Variants in TENM2 observed in about 807,000 individuals in gnomAD.
The protein encoded by TENM2 is teneurin-2.
In TENM2, 52 loss-of-function variants were observed where a neutral mutation model predicts 245.2. The observed-to-expected ratio is 0.21, with a 90% CI of 0.17 to 0.27. The LOEUF (loss-of-function observed/expected upper bound fraction) is 0.27, where lower values mean the gene tolerates loss of function less well. TENM2 is among the 10% of genes least tolerant of loss of function. TENM2 has a pLI of 1.00. For synonymous variants in TENM2, 1,363 were observed against 1,438.9 expected (o/e 0.95, Z 1.19); for missense variants, 3,046 against 3,666.8 (o/e 0.83, Z 4.37).
At chr5:168,204,089 C>A (rs1762154406) in intron 18 of TENM2, among the ~76,000 whole-genome samples, 1 of 152,082 alleles carries the variant, frequency 6.6e-6, no homozygotes, top group African/African-American at 2.4e-5. Flanking sequence ...TAGCTCACTG[C>A]AACCTCGACT....
chr5:167,324,982 T>G (rs1424069915), intron 1 of TENM2, among the ~76,000 whole-genome samples: 4 of 152,192 alleles, frequency 2.6e-5, no homozygotes, highest in Non-Finnish European at 4.4e-5. Flanking sequence ...TGAACGTGGC[T>G]CTAGCAGGCC....
the TENM2 span, among the ~76,000 whole-genome samples, chr5:167,273,661 A>G: frequency 6.6e-6 from 1 of 152,286 alleles, no homozygotes; most frequent in East Asian, 1.9e-4. Flanking sequence ...AGGAGCCACC[A>G]AAGTGTTTCT....
intron 1 of TENM2, among the ~76,000 whole-genome samples, chr5:167,304,933 TC>T (rs1210138685): frequency 1.3e-5 from 2 of 152,152 alleles, no homozygotes; most frequent in African/African-American, 2.4e-5. Flanking sequence ...TCTTTCTATC[TC>T]CCTTAGAACC....
In TENM2 at chr5:168,139,456, G is replaced by A. The variant is rs1213287340; in HGVS notation, c.2422+12490G>A. ...TAGATTACTGCTTGGACATCTCTAA[G>A]TAGGAAAACTTTGAGCTTTTAAGGT... On this transcript the variant is annotated intron_variant, in intron 12 of 28. Coordinates refer to ENST00000518659, the Ensembl canonical transcript of TENM2. The A allele has an allele frequency of 6.6e-6, 3 of 456,376 alleles. No individual in the cohort carries two copies. In the East Asian group the frequency reaches 2.1e-4, roughly 32 times the overall value. 28.3% of individuals were successfully genotyped at this position (456,376 alleles called of 1,614,324 possible). A position where few individuals can be genotyped will look rare whatever the true frequency, so the allele number is the denominator to read the frequency against.
the TENM2 span, among the ~76,000 whole-genome samples, chr5:167,218,644 A>C: frequency 6.6e-6 from 1 of 152,198 alleles, no homozygotes; most frequent in Non-Finnish European, 1.5e-5. Flanking sequence ...CAGGGGTGTT[A>C]CTAAATGAAA....
At chr5:167,414,291 C>T (rs1349296106) in intron 2 of TENM2, among the ~76,000 whole-genome samples, 1 of 151,916 alleles carries the variant, frequency 6.6e-6, no homozygotes, top group African/African-American at 2.4e-5. Flanking sequence ...GTAAAATTAC[C>T]ATATTCAGAA....
chr5:167,379,762 A>G (rs1001801343), intron 2 of TENM2, among the ~76,000 whole-genome samples: 5 of 152,122 alleles, frequency 3.3e-5, no homozygotes, highest in Non-Finnish European at 7.4e-5. Context: ...AGTCAGTGGT[A>G]AGAATAGTGA....
chr5:167,796,882 G>A (rs776393123), intron 2 of TENM2, among the ~76,000 whole-genome samples: 6 of 151,982 alleles, frequency 3.9e-5, no homozygotes, highest in Admixed American at 6.6e-5. Flanking sequence ...CTGATGCAGC[G>A]TGAGTCAGGC....
chr5:167,176,730 A>G, the TENM2 span, among the ~76,000 whole-genome samples: 4 of 152,272 alleles, frequency 2.6e-5, no homozygotes, highest in African/African-American at 4.8e-5. Context: ...TCATAATTGT[A>G]TCTTCCATGT....
chr5:167,874,779 TC>T (rs1184477551), intron 2 of TENM2, among the ~76,000 whole-genome samples: 1 of 152,204 alleles, frequency 6.6e-6, no homozygotes, highest in African/African-American at 2.4e-5. Context: ...TGCAGCAGCC[TC>T]TGTGTGGGAG....
chr5:167,608,741 A>G lies in TENM2; in HGVS notation c.502+233268A>G, dbSNP rs557551568. Among the ~76,000 whole-genome samples, 4 of 152,326 alleles carry G rather than the reference A, an allele frequency of 2.6e-5. No homozygotes were observed. In the East Asian group the frequency reaches 7.7e-4, roughly 29 times the overall value. ...ACAGGAGCCTACAGATTTGCAAAAA[A>G]AACAAAACATGATTTTTTTGGAGGG... On this transcript the variant is annotated intron_variant, in intron 2 of 28. Coordinates refer to ENST00000518659, the Ensembl canonical transcript of TENM2.
intron 5 of TENM2, among the ~76,000 whole-genome samples, chr5:168,043,392 C>T (rs1226365556): frequency 1.3e-5 from 2 of 152,146 alleles, no homozygotes; most frequent in South Asian, 2.1e-4. Context: ...TCCAGCTCAG[C>T]TTTCTAAGTC....
At chr5:167,163,188 A>T in the TENM2 span, among the ~76,000 whole-genome samples, 39 of 152,302 alleles carry the variant, frequency 2.6e-4, no homozygotes, top group African/African-American at 9.1e-4. Context: ...CTGCAGCCTC[A>T]AACTCCTGGG....
chr5:168,214,374 T>G (rs1427936677), intron 20 of TENM2, among the ~76,000 whole-genome samples: 2 of 152,246 alleles, frequency 1.3e-5, no homozygotes, highest in Non-Finnish European at 2.9e-5. Context: ...GTGACCTCAC[T>G]GTTACCTAGA....
chr5:167,898,051 G>T (rs901478196), intron 3 of TENM2, among the ~76,000 whole-genome samples: 15 of 152,036 alleles, frequency 9.9e-5, no homozygotes, highest in Non-Finnish European at 2.9e-5. Flanking sequence ...GCTGATCTGG[G>T]TTTGTCATTG....
intron 7 of TENM2, among the ~76,000 whole-genome samples, chr5:168,065,958 A>T (rs1790467830): frequency 6.6e-6 from 1 of 152,044 alleles, no homozygotes; most frequent in African/African-American, 2.4e-5. Flanking sequence ...AACGCCTGGA[A>T]ATAGTTCTGG....
intron 5 of TENM2, among the ~76,000 whole-genome samples, chr5:168,032,871 A>G (rs1787263847): frequency 6.6e-6 from 1 of 152,172 alleles, no homozygotes; most frequent in Non-Finnish European, 1.5e-5. Context: ...GGTGTAACTG[A>G]GCAGAGAGTA....
At chr5:168,072,155 TA>T (rs1791066968) in intron 7 of TENM2, among the ~76,000 whole-genome samples, 1 of 152,182 alleles carries the variant, frequency 6.6e-6, no homozygotes, top group African/African-American at 2.4e-5. Context: ...TGACATTTGA[TA>T]AACCATTGCT....
chr5:168,154,452 T>C (rs1312605791), intron 12 of TENM2, among the ~76,000 whole-genome samples: 1 of 152,194 alleles, frequency 6.6e-6, no homozygotes, highest in Non-Finnish European at 1.5e-5. Flanking sequence ...CTCGAACTCC[T>C]GACCCCAGGT....
Sources: gnomAD v4.1 joint callset for allele counts (sites outside exome capture counted in the v4.1 genomes callset) on GRCh38, gnomAD v4.1.1 for gene constraint, MANE v1.5 for transcripts, NCBI Gene and HGNC (gene_info 2026-07-23, HGNC 2026-07-21) for gene names.